ACER1: variants seen among roughly 807,000 people sequenced by gnomAD.
The protein encoded by ACER1 is alkaline ceramidase 1.
A neutral mutation model predicts 24.9 loss-of-function variants in ACER1; 28 were observed. That is an observed-to-expected ratio of 1.13 (90% CI 0.83 to 1.54). The LOEUF is 1.54. Among genes scored for constraint, ACER1 ranks in the 40% most tolerant of loss-of-function variants. The pLI, the probability that ACER1 is intolerant of heterozygous loss-of-function variation, is 0.00. For synonymous variants in ACER1, 132 were observed against 131.4 expected (o/e 1.00, Z -0.03); for missense variants, 352 against 349.3 (o/e 1.01, Z -0.06).
the ACER1 span, chr19:6,360,172 C>T: frequency 2.6e-5 from 4 of 152,128 alleles, no homozygotes; most frequent in African/African-American, 9.7e-5. Context: ...CCTGCTTCTC[C>T]TAGGAATGCT....
chr19:6,341,145 G>A, the ACER1 span, among the ~76,000 whole-genome samples: 2 of 150,622 alleles, frequency 1.3e-5, no homozygotes, highest in African/African-American at 4.9e-5. Context: ...CTGTTGCCCA[G>A]GCTGGAGTGC....
the ACER1 span, among the ~76,000 whole-genome samples, chr19:6,359,099 A>G: frequency 6.6e-6 from 1 of 152,072 alleles, no homozygotes; most frequent in Admixed American, 6.6e-5. Context: ...AGATGTGGTG[A>G]CATGCACCTC....
chr19:6,331,428 C>G lies in ACER1; in HGVS notation c.93+2031G>C, dbSNP rs899858768. On this transcript the variant is annotated intron_variant, in intron 1 of 5. Transcript: ENST00000301452. ...CCTCCCAAAGTGCTGGGATTACAGG[C>G]GTGAGCCATAGCACCCAGCCAGCAA... Among the ~76,000 whole-genome samples, 5 of 132,924 alleles carry G rather than the reference C, an allele frequency of 3.8e-5. 1 individual carries two copies. The highest frequency in any genetic ancestry group is 1.3e-4 in the African/African-American group (4 of 30,394). 87.2% of individuals were successfully genotyped at this position (132,924 alleles called of 152,430 possible).
Position 6,333,430 on chromosome 19 carries a change from G to A in ACER1, c.93+29C>T, listed in dbSNP as rs145335284. On this transcript the variant is annotated intron_variant, in intron 1 of 5. Transcript: ENST00000301452. ...ACCGGGATTCGAACCGGCATCTGGC[G>A]AGACTCCTTCACACACCCACGCACT... 16 of 1,530,900 alleles carry A rather than the reference G, an allele frequency of 1.0e-5. No homozygotes were observed. In the Admixed American group the frequency reaches 1.4e-4, roughly 13 times the overall value. 94.8% of individuals were successfully genotyped at this position (1,530,900 alleles called of 1,614,324 possible). A position where few individuals can be genotyped will look rare whatever the true frequency, so the allele number is the denominator to read the frequency against.
At chr19:6,345,198 G>A in the ACER1 span, among the ~76,000 whole-genome samples, 1 of 151,670 alleles carries the variant, frequency 6.6e-6, no homozygotes, top group Non-Finnish European at 1.5e-5. Context: ...CCCGGCCTCC[G>A]TGTGTTGTTT....
At chr19:6,325,608 G>A (rs1033783130) in intron 1 of ACER1, among the ~76,000 whole-genome samples, 2 of 152,170 alleles carry the variant, frequency 1.3e-5, no homozygotes, top group Admixed American at 1.3e-4. Flanking sequence ...AGCCAAGATC[G>A]TGCCACTGCA....
At chr19:6,315,531 C>T (rs528702210) in intron 1 of ACER1, among the ~76,000 whole-genome samples, 17 of 152,214 alleles carry the variant, frequency 1.1e-4, no homozygotes, top group Middle Eastern at 3.4e-3. Flanking sequence ...AGGTGCACGC[C>T]GCCACACCTG....
At chr19:6,317,162 C>T (rs557147207) in intron 1 of ACER1, among the ~76,000 whole-genome samples, 2 of 151,906 alleles carry the variant, frequency 1.3e-5, no homozygotes, top group East Asian at 2.0e-4. Context: ...TTAGTAGAGA[C>T]GGGGTTTCAC....
the ACER1 span, among the ~76,000 whole-genome samples, chr19:6,340,305 A>T: frequency 3.9e-4 from 1 of 2,592 alleles, no homozygotes; most frequent in African/African-American, 1.4e-3. Flanking sequence ...GGAAGGAAGG[A>T]AGGAAGGAAG....
chr19:6,328,446 G>A (rs1170403030), intron 1 of ACER1, among the ~76,000 whole-genome samples: 1 of 130,698 alleles, frequency 7.7e-6, no homozygotes, highest in Non-Finnish European at 1.6e-5. Context: ...AGCCAAGATC[G>A]AGATTGTACC....
chr19:6,336,950 T>C (rs932746550), upstream of ACER1, among the ~76,000 whole-genome samples: 1 of 150,616 alleles, frequency 6.6e-6, no homozygotes, highest in Non-Finnish European at 1.5e-5. Context: ...CTGAGGCAGG[T>C]GGAGCACTTG....
the ACER1 span, among the ~76,000 whole-genome samples, chr19:6,358,144 C>T: frequency 4.9e-4 from 74 of 152,164 alleles, no homozygotes; most frequent in Non-Finnish European, 7.5e-4. Flanking sequence ...GGGCCACCCA[C>T]CTGACTCACA....
rs561089853 is a variant in ACER1 at position 6,326,737 on chromosome 19, C to T, written c.93+6722G>A. The stretch of plus-strand genomic sequence containing the variant: ...CTTACAACCTGGGGACACCGAGCCT[C>T]CTCCCTGGAATCCCAGGATCATCCA... On this transcript the variant is annotated intron_variant, in intron 1 of 5. Coordinates refer to ENST00000301452, the MANE Select transcript of ACER1 (RefSeq NM_133492.3). Among the ~76,000 whole-genome samples the T allele has an allele frequency of 9.9e-5, 15 of 152,226 alleles. No individual in the cohort carries two copies. In the South Asian group the frequency reaches 3.1e-3, roughly 32 times the overall value.
At chr19:6,331,899 A>G (rs1028408338) in intron 1 of ACER1, among the ~76,000 whole-genome samples, 4 of 151,980 alleles carry the variant, frequency 2.6e-5, no homozygotes, top group Non-Finnish European at 4.4e-5. Context: ...CAGTATGGGC[A>G]TGGCATAGCT....
intron 1 of ACER1, among the ~76,000 whole-genome samples, chr19:6,325,817 ACC>A (rs1250249108): frequency 1.5e-5 from 2 of 132,748 alleles, no homozygotes; most frequent in Admixed American, 1.8e-4. Flanking sequence ...CTATGATCAC[ACC>A]GCTGTACTCC....
intron 1 of ACER1, among the ~76,000 whole-genome samples, chr19:6,322,353 A>G (rs995354295): frequency 6.6e-6 from 1 of 152,210 alleles, no homozygotes; most frequent in African/African-American, 2.4e-5. Context: ...TTTGATCTAA[A>G]GATGTAAATG....
upstream of ACER1, chr19:6,333,777 C>G: frequency 2.1e-6 from 1 of 480,126 alleles, no homozygotes; most frequent in Non-Finnish European, 3.8e-6. Flanking sequence ...CCAGGCAGGG[C>G]AGGGGGCAGA....
At chr19:6,336,904 G>T (rs983404111), upstream of ACER1, among the ~76,000 whole-genome samples, 1 of 151,832 alleles carries the variant, frequency 6.6e-6, no homozygotes, top group Non-Finnish European at 1.5e-5. Context: ...GGCCGGGCAT[G>T]GTGGCTCACC....
At chr19:6,312,848 T>C (rs898865063) in intron 1 of ACER1, among the ~76,000 whole-genome samples, 19 of 151,822 alleles carry the variant, frequency 1.3e-4, no homozygotes, top group Admixed American at 1.1e-3. Flanking sequence ...GCTAATTTTT[T>C]ATATTTTTGG....
Sources: gnomAD v4.1 joint callset for allele counts (sites outside exome capture counted in the v4.1 genomes callset) on GRCh38, gnomAD v4.1.1 for gene constraint, MANE v1.5 for transcripts, NCBI Gene and HGNC (gene_info 2026-07-23, HGNC 2026-07-21) for gene names.